Variants in PAM observed in about 807,000 individuals in gnomAD.
PAM encodes the protein peptidyl-glycine alpha-amidating monooxygenase.
In PAM, 72 loss-of-function variants were observed where a neutral mutation model predicts 122.1. The ratio of observed to expected loss-of-function variants is 0.59; its 90% confidence interval spans 0.49 to 0.72. The LOEUF (loss-of-function observed/expected upper bound fraction) is 0.72. Ranked by LOEUF, PAM falls within the 30% of genes least tolerant of loss-of-function variation. The pLI, the probability that PAM is intolerant of heterozygous loss-of-function variation, is 0.00. For synonymous variants in PAM, 389 were observed against 404.4 expected, an observed-to-expected ratio of 0.96 and a Z score of 0.46; for missense variants, 1,106 against 1,183.7, an observed-to-expected ratio of 0.93 and a Z score of 0.96.
chr5:102,793,324 G>C (rs1334569937), intron 1 of PAM, among the ~76,000 whole-genome samples: 2 of 151,740 alleles, frequency 1.3e-5, no homozygotes, highest in Non-Finnish European at 2.9e-5. Flanking sequence ...AGGAGTTTGG[G>C]AGCAGTCTGG....
chr5:102,760,702 C>T (rs1280195254), intron 1 of PAM, among the ~76,000 whole-genome samples: 2 of 152,068 alleles, frequency 1.3e-5, no homozygotes, highest in Non-Finnish European at 2.9e-5. Context: ...TGAGTAGAGA[C>T]AGTAGAAGTT....
intron 1 of PAM, among the ~76,000 whole-genome samples, chr5:102,846,165 A>G (rs1339024631): frequency 6.6e-6 from 1 of 152,112 alleles, no homozygotes; most frequent in East Asian, 1.9e-4. Flanking sequence ...ATATACAGCT[A>G]CCCTTGAGAA....
chr5:102,950,416 G>GGGGGGTGTGTGTGT (rs372626572), intron 11 of PAM, among the ~76,000 whole-genome samples: 1 of 145,966 alleles, frequency 6.9e-6, no homozygotes, highest in Non-Finnish European at 1.5e-5. Context: ...TATGTGGGTG[G>GGGGGGTGTGTGTGT]GTGTGTGTGT....
At chr5:102,907,131 G>A (rs1309438397) in intron 4 of PAM, among the ~76,000 whole-genome samples, 1 of 151,704 alleles carries the variant, frequency 6.6e-6, no homozygotes, top group African/African-American at 2.4e-5. Flanking sequence ...TTTGGTGGCA[G>A]CAGCTTGAAG....
chr5:102,822,874 C>T (rs539537814), intron 1 of PAM, among the ~76,000 whole-genome samples: 1 of 151,056 alleles, frequency 6.6e-6, no homozygotes, highest in Non-Finnish European at 1.5e-5. Context: ...TTGACCCATA[C>T]ACAGACTCCT....
At chr5:102,894,089 A>G (rs536580735) in intron 3 of PAM, among the ~76,000 whole-genome samples, 2 of 151,706 alleles carry the variant, frequency 1.3e-5, no homozygotes, top group East Asian at 3.9e-4. Context: ...CATTTCTTGA[A>G]TGGGGTCAGT....
chr5:102,942,495 AGAGAAGGT>A (rs1354670248), intron 7 of PAM, among the ~76,000 whole-genome samples: 1 of 152,092 alleles, frequency 6.6e-6, no homozygotes, highest in Non-Finnish European at 1.5e-5. Context: ...CAGAGAAAGT[AGAGAAGGT>A]GGCCTTTAAA....
At position 102,825,454 on chromosome 5, in the gene PAM, G is replaced by A. The variant is rs112389378; in HGVS notation, c.-373-40369G>A. Among the ~76,000 whole-genome samples the A allele has an allele frequency of 9.7e-3, 1,481 of 152,252 alleles. 26 individuals are homozygous for A. The highest frequency in any genetic ancestry group is 0.034 in the African/African-American group (1,422 of 41,542). On this transcript the variant is annotated intron_variant, in intron 1 of 25. Coordinates refer to ENST00000438793, the MANE Select transcript of PAM (RefSeq NM_001177306.2). The stretch of plus-strand genomic sequence containing the variant: ...GGGAACCCGGTTGCTTACTGTGTGC[G>A]TATGTATAAGATCAAATATCAAATG...
intron 7 of PAM, among the ~76,000 whole-genome samples, chr5:102,938,153 A>G (rs555947012): frequency 3.9e-5 from 6 of 152,252 alleles, no homozygotes; most frequent in East Asian, 1.9e-4. Flanking sequence ...AAAGAAGCCT[A>G]TTATCCTTCA....
chr5:102,891,179 C>T (rs1437529986), intron 3 of PAM, among the ~76,000 whole-genome samples: 1 of 151,848 alleles, frequency 6.6e-6, no homozygotes, highest in Non-Finnish European at 1.5e-5. Flanking sequence ...ACATTCACTG[C>T]ATACCCAGTT....
intron 1 of PAM, among the ~76,000 whole-genome samples, chr5:102,766,848 A>G (rs1013768320): frequency 6.6e-6 from 1 of 150,482 alleles, no homozygotes; most frequent in Non-Finnish European, 1.5e-5. Flanking sequence ...TTAGTGAAAA[A>G]ATATGCAATT....
chr5:103,003,861 A>C (rs1778142338), intron 17 of PAM, among the ~76,000 whole-genome samples: 1 of 152,170 alleles, frequency 6.6e-6, no homozygotes, highest in Non-Finnish European at 1.5e-5. Flanking sequence ...AATACTAAAC[A>C]AATGTCATTT....
Position 102,948,392 on chromosome 5 carries a change from C to T in PAM, c.590C>T (p.Ala197Val), listed in dbSNP as rs748835676. ...HLTRLPQPLI[A>V]GMYLMMSVDT... ...TTTTTCTGCAGACAGCCTTTAATTG[C>T]TGGCATGTACCTTATGATGTCTGTT... The change falls in exon 9 of 26, where the codon GCT becomes GTT. Residue 197 changes from alanine (A) to valine (V), a missense_variant. Coordinates refer to ENST00000438793, the MANE Select transcript of PAM (RefSeq NM_001177306.2). 1.3e-6 allele frequency: 2 copies of T among 1,582,110 alleles called. No individual in the cohort carries two copies. The highest frequency in any genetic ancestry group is 1.1e-5 in the South Asian group (1 of 88,372).
At chr5:102,759,911 A>G (rs1195556471) in intron 1 of PAM, among the ~76,000 whole-genome samples, 1 of 152,150 alleles carries the variant, frequency 6.6e-6, no homozygotes, top group Non-Finnish European at 1.5e-5. Context: ...AAAGATAACC[A>G]TTTGGAAGCT....
intron 7 of PAM, among the ~76,000 whole-genome samples, chr5:102,946,352 T>G (rs576412465): frequency 6.6e-6 from 1 of 152,116 alleles, no homozygotes; most frequent in East Asian, 1.9e-4. Flanking sequence ...AATAATAAAA[T>G]TCTATTTTGA....
intron 7 of PAM, among the ~76,000 whole-genome samples, chr5:102,936,951 A>G (rs896667867): frequency 6.6e-6 from 1 of 152,190 alleles, no homozygotes; most frequent in Non-Finnish European, 1.5e-5. Context: ...GGCCTAGGAC[A>G]TGAGCAGAAT....
intron 3 of PAM, among the ~76,000 whole-genome samples, chr5:102,900,046 G>T (rs1797255742): frequency 6.6e-6 from 1 of 151,538 alleles, no homozygotes; most frequent in African/African-American, 2.4e-5. Flanking sequence ...CATCTCAAAG[G>T]AGCAGAGAAA....
intron 7 of PAM, among the ~76,000 whole-genome samples, chr5:102,937,206 A>T (rs991213850): frequency 3.9e-5 from 6 of 152,150 alleles, no homozygotes; most frequent in African/African-American, 1.4e-4. Context: ...CTCCCCATAT[A>T]CAGGTGCAAA....
intron 4 of PAM, among the ~76,000 whole-genome samples, chr5:102,906,736 G>T (rs1799666472): frequency 1.3e-5 from 2 of 151,720 alleles, no homozygotes; most frequent in Admixed American, 6.6e-5. Context: ...TATTAAGTGA[G>T]GGAGTTGCCT....
Sources: gnomAD v4.1 joint callset for allele counts (sites outside exome capture counted in the v4.1 genomes callset) on GRCh38, gnomAD v4.1.1 for gene constraint, MANE v1.5 for transcripts, NCBI Gene and HGNC (gene_info 2026-07-23, HGNC 2026-07-21) for gene names.